The following BAIAP2 variants were observed in gnomAD, a reference collection of about 807,000 sequenced individuals.
BAIAP2 encodes the protein BAR/IMD domain-containing adapter protein 2.
BAIAP2 carries 18 observed loss-of-function variants against 63.0 expected under a neutral mutation model. That is an observed-to-expected ratio of 0.29 (90% CI 0.20 to 0.42). The LOEUF (loss-of-function observed/expected upper bound fraction) is 0.42. Among genes scored for constraint, BAIAP2 ranks in the 10% least tolerant of loss-of-function variants. The pLI is 1.00. For synonymous variants in BAIAP2, 386 were observed against 307.6 expected, an observed-to-expected ratio of 1.25 and a Z score of -2.67; for missense variants, 610 against 734.3, an observed-to-expected ratio of 0.83 and a Z score of 1.96.
intron 3 of BAIAP2, among the ~76,000 whole-genome samples, chr17:81,071,747 G>T (rs891836056): frequency 2.0e-5 from 3 of 152,196 alleles, no homozygotes; most frequent in Non-Finnish European, 2.9e-5. Context: ...TGCCTTCTCC[G>T]CACCATCCCG....
At chr17:81,063,026 G>C (rs1568099126) in intron 3 of BAIAP2, among the ~76,000 whole-genome samples, 1 of 150,700 alleles carries the variant, frequency 6.6e-6, no homozygotes, top group African/African-American at 2.4e-5. Flanking sequence ...CTTGTGAACA[G>C]CATCACTCCA....
chr17:81,036,763 G>T, intron 1 of BAIAP2: 4 of 1,051,846 alleles, frequency 3.8e-6, no homozygotes, highest in Non-Finnish European at 4.2e-6. Context: ...GTGGCATACG[G>T]TTCTGGCCTT....
intron 1 of BAIAP2, among the ~76,000 whole-genome samples, chr17:81,037,350 G>T (rs1344303001): frequency 6.6e-6 from 1 of 152,266 alleles, no homozygotes; most frequent in African/African-American, 2.4e-5. Flanking sequence ...CGCTGCTGCT[G>T]CTGCACACAG....
At position 81,086,683 on chromosome 17, in the gene BAIAP2, C is replaced by T. The variant is rs1418900107; in HGVS notation, c.489+103C>T. The T allele has an allele frequency of 1.3e-5, 17 of 1,346,948 alleles. No homozygotes were observed. The African/African-American group carries it at 1.3e-4, about 10-fold the overall frequency. The allele number at this position is 1,346,948 out of a possible 1,614,324, so 83.4% of individuals were successfully genotyped here. On this transcript the variant is annotated intron_variant, in intron 6 of 13. Coordinates refer to ENST00000428708, the MANE Select transcript of BAIAP2 (RefSeq NM_001144888.2). ...GGAGTGGACAGCAGCCCCCCAGGTG[C>T]GATCAGACAGAGGCAGGCTGTGTGT... is the stretch of plus-strand genomic sequence containing the variant.
chr17:81,092,202 C>T (rs897129140), intron 6 of BAIAP2, among the ~76,000 whole-genome samples: 1 of 152,254 alleles, frequency 6.6e-6, no homozygotes, highest in African/African-American at 2.4e-5. Flanking sequence ...GTATGCGGAG[C>T]ACCAGGCTCC....
At chr17:81,048,962 C>G (rs1425115704) in intron 1 of BAIAP2, among the ~76,000 whole-genome samples, 1 of 152,178 alleles carries the variant, frequency 6.6e-6, no homozygotes, top group Non-Finnish European at 1.5e-5. Flanking sequence ...GTGGGCCGGA[C>G]CGCCTTCATG....
At chr17:81,089,936 ATCT>A (rs1350018394) in intron 6 of BAIAP2, among the ~76,000 whole-genome samples, 2 of 152,084 alleles carry the variant, frequency 1.3e-5, no homozygotes, top group East Asian at 3.9e-4. Context: ...GGCGAGCCTC[ATCT>A]TCTCGGCCTC....
chr17:81,106,937 G>C, intron 12 of BAIAP2, 30 bp downstream of exon 12: 1 of 1,477,098 alleles, frequency 6.8e-7, no homozygotes, highest in Admixed American at 2.5e-5. Context: ...GCTGGGAGGG[G>C]CCCGCAGGTG....
At chr17:81,085,411 C>T (rs1394163949) in intron 4 of BAIAP2, 1 of 662,660 alleles carries the variant, frequency 1.5e-6, no homozygotes, top group East Asian at 2.8e-5. Context: ...CGTTTGTTTC[C>T]CTTGTGGCTG....
Position 81,035,245 on chromosome 17 carries a change from AC to A in BAIAP2, c.-7del. ...CGCTCCGGTCTGTGGTGCAGCCGGG[AC>A]CCAGGACCATGTCTCTGTCTCGCTC... On this transcript the variant is annotated 5_prime_UTR_variant, in exon 1 of 14. Transcript: ENST00000428708. The A allele has an allele frequency of 6.6e-7, 1 of 1,515,578 alleles. No individual in the cohort carries two copies. Among genetic ancestry groups the A allele is most frequent in the Non-Finnish European group, 8.9e-7 (1 of 1,127,482 alleles). 93.9% of individuals were successfully genotyped at this position (1,515,578 alleles called of 1,614,324 possible).
chr17:81,048,908 G>A (rs1034746618), intron 1 of BAIAP2, among the ~76,000 whole-genome samples: 11 of 152,364 alleles, frequency 7.2e-5, no homozygotes, highest in South Asian at 2.1e-4. Flanking sequence ...CGCGGCATGC[G>A]TCCTATGAGG....
At chr17:81,106,212 G>T (rs1412176622) in intron 11 of BAIAP2, 66 bp downstream of exon 11, 1 of 1,492,126 alleles carries the variant, frequency 6.7e-7, no homozygotes. Context: ...ATGACACCAG[G>T]TCCCTGGGCT....
intron 6 of BAIAP2, among the ~76,000 whole-genome samples, chr17:81,088,226 GCTTGT>G (rs1242709300): frequency 6.6e-6 from 1 of 152,136 alleles, no homozygotes; most frequent in Non-Finnish European, 1.5e-5. Flanking sequence ...AGGTGTGAGA[GCTTGT>G]CTTAAGGGGG....
At chr17:81,091,022 C>T (rs986318549) in intron 6 of BAIAP2, among the ~76,000 whole-genome samples, 1 of 152,064 alleles carries the variant, frequency 6.6e-6, no homozygotes, top group African/African-American at 2.4e-5. Context: ...CATGTGCAGC[C>T]CCGCCCCTCC....
chr17:81,111,017 C>G, intron 13 of BAIAP2: 4 of 1,600,382 alleles, frequency 2.5e-6, no homozygotes, highest in Non-Finnish European at 3.4e-6. Flanking sequence ...CTCCACGGGC[C>G]CTCTGGCCTC....
At chr17:81,070,927 G>T (rs1471153726) in intron 3 of BAIAP2, among the ~76,000 whole-genome samples, 1 of 152,200 alleles carries the variant, frequency 6.6e-6, no homozygotes, top group Non-Finnish European at 1.5e-5. Context: ...GACAGTGGGG[G>T]TGGATGACAG....
chr17:81,108,162 T>TC (rs2059403413), intron 12 of BAIAP2: 1 of 461,518 alleles, frequency 2.2e-6, no homozygotes, highest in South Asian at 3.1e-5. Context: ...CTCGGCTCCC[T>TC]GGGGGCAGGA....
chr17:81,037,167 A>T (rs1391015389), intron 1 of BAIAP2, among the ~76,000 whole-genome samples: 1 of 152,216 alleles, frequency 6.6e-6, no homozygotes, highest in East Asian at 1.9e-4. Context: ...GGTCTGGAGC[A>T]CGTGAAACAC....
Position 81,036,232 on chromosome 17 carries a change from C to CAGAGG in BAIAP2, c.54+928_54+932dup, listed in dbSNP as rs1222358453. Among the ~76,000 whole-genome samples the CAGAGG allele has an allele frequency of 2.2e-5, 3 of 137,886 alleles. No homozygotes were observed. The East Asian group carries it at 1.1e-3, about 52-fold the overall frequency. The allele number at this position is 137,886 out of a possible 152,430, so 90.5% of individuals were successfully genotyped here. ...CGGCAGCTGCCGGGGAGCATTTTCT[C>CAGAGG]AGAGGAGAAACCCCTGCTCTGGGTG... is the stretch of plus-strand genomic sequence containing the variant. On this transcript the variant is annotated intron_variant, in intron 1 of 13. Coordinates refer to ENST00000428708, the MANE Select transcript of BAIAP2 (RefSeq NM_001144888.2).
Sources: allele counts gnomAD v4.1 joint callset (sites outside exome capture counted in the v4.1 genomes callset), GRCh38; gene constraint gnomAD v4.1.1; transcripts MANE v1.5; gene names NCBI Gene and HGNC (gene_info 2026-07-23, HGNC 2026-07-21).